The following CACNB4 variants were observed in gnomAD, a reference collection of about 807,000 sequenced individuals.
CACNB4 encodes the protein voltage-dependent L-type calcium channel subunit beta-4.
In CACNB4, 32 loss-of-function variants were observed where a neutral mutation model predicts 71.2. That is an observed-to-expected ratio of 0.45 (90% CI 0.34 to 0.60). The LOEUF (loss-of-function observed/expected upper bound fraction) is 0.60. Among genes scored for constraint, CACNB4 ranks in the 20% least tolerant of loss-of-function variants. The pLI, the probability that CACNB4 is intolerant of heterozygous loss-of-function variation, is 0.01. For missense variants in CACNB4, 464 were observed against 647.9 expected, an observed-to-expected ratio of 0.72 and a Z score of 3.08; for synonymous variants, 231 against 236.9, an observed-to-expected ratio of 0.97 and a Z score of 0.23.
In CACNB4 at chr2:152,098,600, G is replaced by T. The variant is rs765282420; in HGVS notation, c.64-187C>A. 52 of 1,065,496 alleles carry T rather than the reference G, an allele frequency of 4.9e-5. No individual in the cohort carries two copies. The Admixed American group carries it at 9.6e-4, about 20-fold the overall frequency. 66.0% of individuals were successfully genotyped at this position (1,065,496 alleles called of 1,614,324 possible). On this transcript the variant is annotated intron_variant, in intron 1 of 13. Transcript: ENST00000539935. This position sits in a 1 kb window ranked among gnomAD's most constrained non-coding sequence, Gnocchi z 5.3. ...CACCCACCCACTGCAAGCCTCGACTGCTGAAAAGATGCTCGAGAAGAGCAG... is the reference window on the plus strand; with the variant it reads ...CACCCACCCACTGCAAGCCTCGACTTCTGAAAAGATGCTCGAGAAGAGCAG...
At chr2:151,884,354 T>C (rs1379811610) in intron 2 of CACNB4, among the ~76,000 whole-genome samples, 1 of 148,796 alleles carries the variant, frequency 6.7e-6, no homozygotes, top group Non-Finnish European at 1.5e-5. Flanking sequence ...CCAGGCGCAG[T>C]GGCTCACGCC....
chr2:151,855,464 G>A (rs980457542), intron 10 of CACNB4, 89 bp from the exon 11 acceptor site: 2 of 964,866 alleles, frequency 2.1e-6, no homozygotes, highest in African/African-American at 1.6e-5. Context: ...AGATATGTTG[G>A]TCTACATTAC....
In CACNB4 at chr2:151,833,390, T is replaced by C. The variant is rs1236564226; in HGVS notation, c.*5729A>G. 1 of 152,130 alleles carries C rather than the reference T, an allele frequency of 6.6e-6. No individual in the cohort carries two copies. The highest frequency in any genetic ancestry group is 6.5e-5 in the Admixed American group (1 of 15,274). The allele number at this position is 152,130 out of a possible 1,614,324, so 9.4% of individuals were successfully genotyped here. On this transcript the variant is annotated 3_prime_UTR_variant, in exon 14 of 14. Transcript: ENST00000539935. ...ATTTTTTGTGGTTGGGACATCTTTA[T>C]TGATCATTCTGACTCGAGGCTGTGA... is the stretch of plus-strand genomic sequence containing the variant.
intron 2 of CACNB4, among the ~76,000 whole-genome samples, chr2:151,958,229 A>G (rs1360192436): frequency 6.6e-6 from 1 of 152,222 alleles, no homozygotes; most frequent in Non-Finnish European, 1.5e-5. Flanking sequence ...TTAATGTAAA[A>G]GGATAATATA....
intron 12 of CACNB4, among the ~76,000 whole-genome samples, chr2:151,846,305 C>T (rs73967705): frequency 0.14 from 21,431 of 152,056 alleles, 2,475 homozygotes; most frequent in East Asian, 0.49. Context: ...GGAAATGAAG[C>T]ATATTCCATT....
intron 2 of CACNB4, among the ~76,000 whole-genome samples, chr2:151,910,341 T>C (rs1426222571): frequency 6.6e-6 from 1 of 152,166 alleles, no homozygotes; most frequent in African/African-American, 2.4e-5. Flanking sequence ...ACTCTCATGA[T>C]AGTTTCTTTT....
chr2:151,917,403 G>A (rs1578785778), intron 2 of CACNB4, among the ~76,000 whole-genome samples: 1 of 152,342 alleles, frequency 6.6e-6, no homozygotes, highest in South Asian at 2.1e-4. Context: ...GTCTAGACAT[G>A]TGGGTTAATA....
intron 2 of CACNB4, among the ~76,000 whole-genome samples, chr2:152,061,763 G>A (rs1247957799): frequency 6.6e-6 from 1 of 151,990 alleles, no homozygotes; most frequent in East Asian, 1.9e-4. Flanking sequence ...TGTAATCCCA[G>A]CACTCTGGGA....
chr2:152,085,814 A>T (rs1438076656), intron 2 of CACNB4, among the ~76,000 whole-genome samples: 2 of 121,060 alleles, frequency 1.7e-5, no homozygotes, highest in South Asian at 2.6e-4. Context: ...TGCAGCCATT[A>T]AAAAAAAAAA....
chr2:152,024,123 C>G (rs1683833978), intron 2 of CACNB4, among the ~76,000 whole-genome samples: 1 of 152,154 alleles, frequency 6.6e-6, no homozygotes, highest in Non-Finnish European at 1.5e-5. Context: ...AGGTCAAGAC[C>G]AGCCTGGGTA....
At chr2:151,882,752 CT>C (rs2099848260) in intron 3 of CACNB4, among the ~76,000 whole-genome samples, 2 of 152,200 alleles carry the variant, frequency 1.3e-5, no homozygotes, top group African/African-American at 4.8e-5. Context: ...TGGCAATGGC[CT>C]TTATTGCTTG....
At chr2:151,943,070 C>T (rs1341746883) in intron 2 of CACNB4, among the ~76,000 whole-genome samples, 1 of 152,078 alleles carries the variant, frequency 6.6e-6, no homozygotes, top group Non-Finnish European at 1.5e-5. Context: ...TTTGTACCTA[C>T]TCTCTGTTAT....
chr2:151,993,815 G>T (rs374010138), intron 2 of CACNB4, among the ~76,000 whole-genome samples: 1 of 151,070 alleles, frequency 6.6e-6, no homozygotes, highest in African/African-American at 2.4e-5. Context: ...CGCCCACCTC[G>T]GCCTCCCAAA....
intron 2 of CACNB4, among the ~76,000 whole-genome samples, chr2:151,951,171 C>G (rs530067811): frequency 6.6e-6 from 1 of 152,236 alleles, no homozygotes; most frequent in South Asian, 2.1e-4. Flanking sequence ...AGTGATCCAC[C>G]CACCTCAGCC....
intron 2 of CACNB4, among the ~76,000 whole-genome samples, chr2:151,933,671 G>A (rs1310940591): frequency 1.3e-5 from 2 of 152,132 alleles, no homozygotes; most frequent in East Asian, 1.9e-4. Flanking sequence ...CCAGAAGGTG[G>A]TGCCATGGTC....
intron 2 of CACNB4, among the ~76,000 whole-genome samples, chr2:152,054,860 C>T (rs917813524): frequency 6.6e-6 from 1 of 152,148 alleles, no homozygotes; most frequent in Non-Finnish European, 1.5e-5. Context: ...TTATTGGCCA[C>T]TGGTATGTCT....
intron 2 of CACNB4, among the ~76,000 whole-genome samples, chr2:152,036,920 C>G (rs949686792): frequency 6.6e-6 from 1 of 152,108 alleles, no homozygotes; most frequent in Non-Finnish European, 1.5e-5. Context: ...ATTGAGAATC[C>G]CAGGAAGTGC....
intron 2 of CACNB4, among the ~76,000 whole-genome samples, chr2:151,914,560 T>C (rs961134765): frequency 1.3e-5 from 2 of 152,236 alleles, no homozygotes; most frequent in African/African-American, 4.8e-5. Flanking sequence ...CTCTTGCCTT[T>C]TGGGTTTTCA....
intron 2 of CACNB4, among the ~76,000 whole-genome samples, chr2:152,068,298 G>C (rs1292896121): frequency 2.6e-5 from 4 of 152,152 alleles, no homozygotes; most frequent in African/African-American, 9.6e-5. Flanking sequence ...ACCCTGCAAA[G>C]TCTTCACATG....
Sources: allele counts gnomAD v4.1 joint callset (sites outside exome capture counted in the v4.1 genomes callset), GRCh38; gene constraint gnomAD v4.1.1; non-coding constraint Gnocchi (gnomAD v3.1); transcripts MANE v1.5; gene names NCBI Gene and HGNC (gene_info 2026-07-23, HGNC 2026-07-21).